Variants in UTRN observed in about 807,000 individuals in gnomAD.
UTRN encodes the protein dystrophin-related protein 1.
Under a neutral mutation model 463.9 loss-of-function variants are expected in UTRN, and 283 were observed. The observed-to-expected ratio is 0.61, with a 90% CI of 0.55 to 0.67. The LOEUF is 0.67. Among genes scored for constraint, UTRN ranks in the 30% least tolerant of loss-of-function variants. The pLI, the probability that UTRN is intolerant of heterozygous loss-of-function variation, is 0.00. For synonymous variants in UTRN, 1,442 were observed against 1,431.5 expected (o/e 1.01, Z -0.17); for missense variants, 3,922 against 4,084.3 (o/e 0.96, Z 1.08).
At chr6:144,333,613 A>T (rs1326255128) in intron 2 of UTRN, among the ~76,000 whole-genome samples, 1 of 152,080 alleles carries the variant, frequency 6.6e-6, no homozygotes, top group Non-Finnish European at 1.5e-5. Flanking sequence ...TTCCCATTGG[A>T]TCTTCTGCAG....
chr6:144,578,761 A>G (rs190692808), intron 51 of UTRN, among the ~76,000 whole-genome samples: 128 of 152,324 alleles, frequency 8.4e-4, no homozygotes, highest in African/African-American at 3.0e-3. Flanking sequence ...GTGAATACTG[A>G]CTGCTGTCCT....
intron 65 of UTRN, among the ~76,000 whole-genome samples, chr6:144,810,260 A>G (rs191814890): frequency 1.2e-4 from 18 of 152,268 alleles, no homozygotes; most frequent in Admixed American, 2.6e-4. Context: ...TGTTTTCTCA[A>G]CTGCCAATGT....
At chr6:144,802,755 G>A (rs189836703) in intron 64 of UTRN, among the ~76,000 whole-genome samples, 50 of 152,018 alleles carry the variant, frequency 3.3e-4, no homozygotes, top group African/African-American at 1.2e-3. Context: ...TTTCTTATTG[G>A]TGGTATAATT....
At chr6:144,525,159 T>C (rs1796454065) in intron 41 of UTRN, among the ~76,000 whole-genome samples, 1 of 152,144 alleles carries the variant, frequency 6.6e-6, no homozygotes, top group Non-Finnish European at 1.5e-5. Flanking sequence ...TTTTTTGTTA[T>C]GTCCTTTCCT....
chr6:144,428,992 C>G, intron 8 of UTRN, 99 bp downstream of exon 8: 2 of 730,164 alleles, frequency 2.7e-6, no homozygotes, highest in Non-Finnish European at 4.3e-6. Context: ...AATTATGAGA[C>G]TTGAAGAACC....
chr6:144,817,133 C>CT (rs1211079959), intron 65 of UTRN, among the ~76,000 whole-genome samples: 1 of 151,990 alleles, frequency 6.6e-6, no homozygotes, highest in Non-Finnish European at 1.5e-5. Context: ...CCATCAAAGG[C>CT]TTAGTGTGAG....
In UTRN at chr6:144,557,254, G is replaced by C; in HGVS notation, c.7232G>C (p.Arg2411Thr). ...LLEEYGSDDT[R>T]NVKETTEYLK... is the part of the protein sequence containing the mutation. ...GAGGAATATGGGAGTGATGACACAA[G>C]GAATGTGAAAGAAACCACAGAGTAC... Residue 2411 changes from arginine (R) to threonine (T), a missense_variant, in exon 50 of 75, where the codon AGG (arginine) becomes ACG (threonine). By Grantham distance (71) the Arg-to-Thr change is moderately conservative. Coordinates refer to ENST00000367545, the MANE Select transcript of UTRN (RefSeq NM_007124.3). The C allele has an allele frequency of 6.2e-7, 1 of 1,613,856 alleles. No homozygotes were observed. Among genetic ancestry groups the C allele is most frequent in the Non-Finnish European group, 8.5e-7 (1 of 1,179,848 alleles).
At chr6:144,669,956 G>GGTGTGTGTGTGT (rs35769043) in intron 51 of UTRN, among the ~76,000 whole-genome samples, 178 of 148,002 alleles carry the variant, frequency 1.2e-3, no homozygotes, top group African/African-American at 2.8e-3. Flanking sequence ...AGTATTCCAT[G>GGTGTGTGTGTGT]GTGTGTGTGT....
chr6:144,428,958 T>C (rs960277618), intron 8 of UTRN, 65 bp downstream of exon 8: 1 of 1,051,308 alleles, frequency 9.5e-7, no homozygotes. Flanking sequence ...TGAAAAGCAG[T>C]GTTTCTTTGT....
chr6:144,748,483 A>C lies in UTRN; in HGVS notation c.8177A>C (p.Asp2726Ala). 1 of 1,613,834 alleles carries C rather than the reference A, an allele frequency of 6.2e-7. No individual in the cohort carries two copies. Among genetic ancestry groups the C allele is most frequent in the Non-Finnish European group, 8.5e-7 (1 of 1,179,866 alleles). Residue 2726 changes from aspartate (D) to alanine (A), a missense_variant, in exon 55 of 75, where the codon GAC (aspartate) becomes GCC (alanine). By Grantham distance (126) the Asp-to-Ala change is moderately radical. Transcript: ENST00000367545. ...AAGCCCGTGGGAGACTTACTCATTG[A>C]CTCGCTGCAGGATCACATTGAAAAA... ...GWKPVGDLLIDSLQDHIEKIM... is the reference protein window; with the variant it reads ...GWKPVGDLLIASLQDHIEKIM...
intron 52 of UTRN, among the ~76,000 whole-genome samples, chr6:144,683,242 A>G (rs968974908): frequency 5.3e-5 from 8 of 152,190 alleles, no homozygotes; most frequent in African/African-American, 1.7e-4. Context: ...TACATGGAAG[A>G]GTAGAAAAGA....
chr6:144,660,091 C>T (rs777576301), intron 51 of UTRN: 1 of 407,606 alleles, frequency 2.5e-6, no homozygotes, highest in Non-Finnish European at 5.1e-6. Flanking sequence ...GACCATAGCT[C>T]AAGGGCAAGG....
chr6:144,773,825 G>A lies in UTRN; in HGVS notation c.8558-465G>A, dbSNP rs372756089. Among the ~76,000 whole-genome samples, 4 of 152,218 alleles carry A rather than the reference G, an allele frequency of 2.6e-5. No individual in the cohort carries two copies. The South Asian group carries it at 8.3e-4, about 32-fold the overall frequency. Reference sequence around the variant, plus strand: ...AGAATCTTCAGGAGAGAAGGGAGAAGGTGACAGTGAACTTGCTAGATTTTA... The same window carrying A: ...AGAATCTTCAGGAGAGAAGGGAGAAAGTGACAGTGAACTTGCTAGATTTTA... On this transcript the variant is annotated intron_variant, in intron 59 of 74. Coordinates refer to ENST00000367545, the MANE Select transcript of UTRN (RefSeq NM_007124.3).
intron 14 of UTRN, 76 bp downstream of exon 14, chr6:144,444,458 A>T: frequency 8.8e-7 from 1 of 1,131,142 alleles, no homozygotes; most frequent in Non-Finnish European, 1.2e-6. Context: ...TTTAGAATAA[A>T]GTTGCCTTGT....
intron 51 of UTRN, among the ~76,000 whole-genome samples, chr6:144,674,567 C>A (rs1585928050): frequency 6.6e-6 from 1 of 151,464 alleles, no homozygotes; most frequent in African/African-American, 2.4e-5. Context: ...TTTTTAATTT[C>A]TTTTTTTGAG....
At chr6:144,638,539 T>C (rs1777427337) in intron 51 of UTRN, among the ~76,000 whole-genome samples, 1 of 152,200 alleles carries the variant, frequency 6.6e-6, no homozygotes, top group African/African-American at 2.4e-5. Context: ...AACATAGGTC[T>C]GTCATAGTTC....
At chr6:144,473,021 C>G (rs1790827307) in intron 23 of UTRN, among the ~76,000 whole-genome samples, 1 of 152,094 alleles carries the variant, frequency 6.6e-6, no homozygotes. Context: ...TAGCCTGGGC[C>G]TCCTAAAGTG....
intron 51 of UTRN, among the ~76,000 whole-genome samples, chr6:144,636,189 A>G (rs1221675668): frequency 6.6e-6 from 1 of 152,164 alleles, no homozygotes; most frequent in Non-Finnish European, 1.5e-5. Context: ...TGTGGCACAT[A>G]TACACCATGG....
chr6:144,646,079 T>C (rs1420717220), intron 51 of UTRN, among the ~76,000 whole-genome samples: 2 of 152,198 alleles, frequency 1.3e-5, no homozygotes, highest in Non-Finnish European at 2.9e-5. Context: ...AAGGCCTAGG[T>C]CTACTCCTTC....
Sources: gnomAD v4.1 joint callset for allele counts (sites outside exome capture counted in the v4.1 genomes callset) on GRCh38, gnomAD v4.1.1 for gene constraint, MANE v1.5 for transcripts, NCBI Gene and HGNC (gene_info 2026-07-23, HGNC 2026-07-21) for gene names.